N4BP2L2: variants seen among roughly 807,000 people sequenced by gnomAD.
N4BP2L2 encodes the protein NEDD4 binding protein 2 like 2.
In N4BP2L2, 50 loss-of-function variants were observed where a neutral mutation model predicts 56.2. The observed-to-expected ratio is 0.89, with a 90% confidence interval of 0.71 to 1.13. N4BP2L2 has a LOEUF of 1.13. Among genes scored for constraint, N4BP2L2 ranks in the 50% most tolerant of loss-of-function variants. The pLI is 0.00. For synonymous variants in N4BP2L2, 203 were observed against 223.6 expected (o/e 0.91, Z 0.82); for missense variants, 689 against 693.8 (o/e 0.99, Z 0.08).
exon 6 of N4BP2L2, chr13:32,515,349 G>A (rs1292786715): frequency 1.3e-5 from 2 of 152,148 alleles, no homozygotes; most frequent in African/African-American, 4.8e-5. Context: ...GCTGAGAAAG[G>A]AGGACCTCTT....
chr13:32,443,892 G>A (rs766569836), exon 7 of N4BP2L2: 33 of 1,568,080 alleles, frequency 2.1e-5, no homozygotes, highest in East Asian at 6.8e-5. Flanking sequence ...CAAAATCTCC[G>A]ACTTCATTTT....
At chr13:32,437,285 G>T (rs943867229) in intron 8 of N4BP2L2, among the ~76,000 whole-genome samples, 1 of 152,162 alleles carries the variant, frequency 6.6e-6, no homozygotes, top group African/African-American at 2.4e-5. Context: ...ACAAGAAGAT[G>T]AGGAAAAATG....
intron 3 of N4BP2L2, chr13:32,522,659 G>A (rs117934536): frequency 1.2e-3 from 184 of 153,632 alleles, no homozygotes; most frequent in Non-Finnish European, 1.4e-3. Context: ...AAGGATGGAG[G>A]TTATTAAATG....
intron 6 of N4BP2L2, among the ~76,000 whole-genome samples, chr13:32,469,125 AC>A (rs1460583021): frequency 1.3e-5 from 2 of 151,960 alleles, no homozygotes; most frequent in Non-Finnish European, 2.9e-5. Context: ...TGACCCATTC[AC>A]CCCTTCCTTT....
chr13:32,529,354 C>T (rs2053974586), intron 2 of N4BP2L2, among the ~76,000 whole-genome samples: 1 of 152,216 alleles, frequency 6.6e-6, no homozygotes, highest in Admixed American at 6.5e-5. Flanking sequence ...CAAATCACTT[C>T]AGACAAACCA....
At chr13:32,502,565 C>T (rs952166433) in intron 6 of N4BP2L2, among the ~76,000 whole-genome samples, 1 of 152,182 alleles carries the variant, frequency 6.6e-6, no homozygotes, top group African/African-American at 2.4e-5. Context: ...CATCTAATAA[C>T]TCTACATTGT....
At chr13:32,533,694 C>A (rs990807719) in intron 2 of N4BP2L2, among the ~76,000 whole-genome samples, 1 of 151,828 alleles carries the variant, frequency 6.6e-6, no homozygotes, top group Non-Finnish European at 1.5e-5. Context: ...CCTGCCTTGG[C>A]CTCCCAAAGT....
intron 6 of N4BP2L2, among the ~76,000 whole-genome samples, chr13:32,471,207 G>A (rs1393040115): frequency 6.6e-6 from 1 of 152,230 alleles, no homozygotes; most frequent in African/African-American, 2.4e-5. Flanking sequence ...AGGCCTGCAT[G>A]CCCAAAGCTT....
chr13:32,442,008 G>A (rs1340460462), intron 7 of N4BP2L2, among the ~76,000 whole-genome samples: 1 of 152,138 alleles, frequency 6.6e-6, no homozygotes, highest in Non-Finnish European at 1.5e-5. Context: ...CCCGGGAGGC[G>A]GAGCTTGCAG....
At chr13:32,444,156 T>G in intron 6 of N4BP2L2, 1 of 1,438,302 alleles carries the variant, frequency 7.0e-7, no homozygotes, top group African/African-American at 1.4e-5. Context: ...AGAAAATGTA[T>G]GACTTAATTA....
At chr13:32,505,672 TATA>T (rs1244935328), downstream of N4BP2L2, 1 of 152,224 alleles carries the variant, frequency 6.6e-6, no homozygotes, top group African/African-American at 2.4e-5. Flanking sequence ...TTTGCCACAT[TATA>T]ATAAGCATTG....
chr13:32,522,139 G>C (rs1594049707), intron 4 of N4BP2L2, 43 bp downstream of exon 4: 1 of 1,296,506 alleles, frequency 7.7e-7, no homozygotes, highest in Non-Finnish European at 1.1e-6. Flanking sequence ...TGAAAAAATT[G>C]ACAAGAATAA....
chr13:32,464,278 A>G (rs2080815961), intron 6 of N4BP2L2, among the ~76,000 whole-genome samples: 1 of 152,258 alleles, frequency 6.6e-6, no homozygotes, highest in South Asian at 2.1e-4. Context: ...GGATTGTTAC[A>G]AATGAAGATG....
chr13:32,477,594 A>G, intron 6 of N4BP2L2: 1 of 296,304 alleles, frequency 3.4e-6, no homozygotes, highest in Non-Finnish European at 6.7e-6. Context: ...TGATTGTTAT[A>G]TAGCAACGCC....
At chr13:32,434,060 C>T (rs934951476) in intron 9 of N4BP2L2, among the ~76,000 whole-genome samples, 3 of 151,336 alleles carry the variant, frequency 2.0e-5, no homozygotes, top group African/African-American at 4.9e-5. Flanking sequence ...AGGCTCCATA[C>T]TTTGCACAGT....
chr13:32,516,860 G>C, exon 6 of N4BP2L2: 3 of 981,832 alleles, frequency 3.1e-6, no homozygotes, highest in Non-Finnish European at 3.6e-6. Context: ...AGCTTGGTTT[G>C]AAGGCAGGGG....
chr13:32,442,851 A>G, exon 7 of N4BP2L2: 2 of 1,613,618 alleles, frequency 1.2e-6, no homozygotes, highest in African/African-American at 1.3e-5. Flanking sequence ...TAGCTTTGAT[A>G]ATATCAAGGT....
chr13:32,500,470 G>A (rs1366784757), intron 6 of N4BP2L2, among the ~76,000 whole-genome samples: 1 of 147,562 alleles, frequency 6.8e-6, no homozygotes, highest in East Asian at 2.0e-4. Flanking sequence ...AGTGGCTCTT[G>A]CCCATAATCC....
rs1004959989 is a variant in N4BP2L2 at position 32,450,525 on chromosome 13, T to C, written c.366-6399A>G. ...ATTTTTAGTAGAGACGGGGTTTCAC[T>C]GTGTTAACCAGGACGGTCTCGATCT... On this transcript the variant is annotated intron_variant, in intron 6 of 9. Coordinates refer to the N4BP2L2 transcript ENST00000357505. Among the ~76,000 whole-genome samples, 5 of 152,168 alleles carry C rather than the reference T, an allele frequency of 3.3e-5. No individual in the cohort carries two copies. In the South Asian group the frequency reaches 1.0e-3, roughly 32 times the overall value.
Sources: gnomAD v4.1 joint callset for allele counts (sites outside exome capture counted in the v4.1 genomes callset) on GRCh38, gnomAD v4.1.1 for gene constraint, MANE v1.5 for transcripts, NCBI Gene and HGNC (gene_info 2026-07-23, HGNC 2026-07-21) for gene names.